Variants in DEPTOR observed in about 807,000 individuals in gnomAD.
DEPTOR encodes the protein DEP domain containing MTOR interacting protein, also known as DEP domain-containing mTOR-interacting protein.
DEPTOR carries 41 observed loss-of-function variants against 41.6 expected under a neutral mutation model. That is an observed-to-expected ratio of 0.98 (90% CI 0.77 to 1.28). The LOEUF (loss-of-function observed/expected upper bound fraction) is 1.28. Ranked by LOEUF, DEPTOR falls within the 50% of genes most tolerant of loss-of-function variation. The probability of loss-of-function intolerance (pLI) is 0.00; values close to 1 mark genes in which losing one functional copy is unlikely to be tolerated. For missense variants in DEPTOR, 514 were observed against 527.9 expected (o/e 0.97, Z 0.26); for synonymous variants, 195 against 192.3 (o/e 1.01, Z -0.12).
intron 8 of DEPTOR, among the ~76,000 whole-genome samples, chr8:120,012,935 T>A (rs1484722469): frequency 6.6e-6 from 1 of 151,930 alleles, no homozygotes; most frequent in Non-Finnish European, 1.5e-5. Context: ...GGTGGGAAGA[T>A]CACCCAAGGT....
intron 1 of DEPTOR, among the ~76,000 whole-genome samples, chr8:119,879,985 T>C (rs1827278095): frequency 1.3e-5 from 2 of 151,656 alleles, no homozygotes; most frequent in South Asian, 4.2e-4. Context: ...CTACTAAAAA[T>C]ACAAAAATTA....
chr8:119,914,441 C>A (rs1429145939), intron 1 of DEPTOR, among the ~76,000 whole-genome samples: 1 of 149,652 alleles, frequency 6.7e-6, no homozygotes, highest in Non-Finnish European at 1.5e-5. Context: ...TCACCCAAGC[C>A]TTTTTTTTTC....
intron 1 of DEPTOR, among the ~76,000 whole-genome samples, chr8:119,904,525 C>T (rs567013435): frequency 5.9e-5 from 9 of 152,150 alleles, no homozygotes; most frequent in African/African-American, 2.2e-4. Context: ...GGCAGAGTCT[C>T]ACTCTGTCAC....
rs1216288814 is a variant in DEPTOR, at chr8:119,991,102, TTC to T, written c.605-10421_605-10420del. 2.8e-3 allele frequency among the ~76,000 whole-genome samples: 280 copies of T among 98,616 alleles called. 3 individuals are homozygous for T. The highest frequency in any genetic ancestry group is 9.1e-3 in the African/African-American group (242 of 26,460). 64.7% of individuals were successfully genotyped at this position (98,616 alleles called of 152,430 possible). The stretch of plus-strand genomic sequence containing the variant: ...TCTTTCTTTCTTTTTCTTTCTTTCT[TTC>T]TTTCTTTCTTTCTTTTTTTTTTAAA... On this transcript the variant is annotated intron_variant, in intron 4 of 8. Coordinates refer to ENST00000286234, the MANE Select transcript of DEPTOR (RefSeq NM_022783.4).
At chr8:119,972,014 A>C (rs1463612116) in intron 4 of DEPTOR, among the ~76,000 whole-genome samples, 1 of 152,244 alleles carries the variant, frequency 6.6e-6, no homozygotes, top group African/African-American at 2.4e-5. Flanking sequence ...CCAAAAGCCA[A>C]GTTCCCAGGT....
intron 8 of DEPTOR, among the ~76,000 whole-genome samples, chr8:120,018,582 A>G (rs534681437): frequency 2.0e-5 from 3 of 150,658 alleles, no homozygotes; most frequent in Middle Eastern, 3.4e-3. Context: ...GACTCAAAAG[A>G]AAAAAAAAAT....
At chr8:119,971,714 C>T (rs1024620859) in intron 4 of DEPTOR, among the ~76,000 whole-genome samples, 17 of 152,072 alleles carry the variant, frequency 1.1e-4, no homozygotes, top group African/African-American at 3.9e-4. Context: ...TCGGAGACAT[C>T]GTAGATTTTT....
chr8:119,877,302 A>G (rs367560454), intron 1 of DEPTOR, among the ~76,000 whole-genome samples: 1 of 152,222 alleles, frequency 6.6e-6, no homozygotes, highest in South Asian at 2.1e-4. Flanking sequence ...CTACTCAGTA[A>G]GTAGTTAAAT....
At chr8:119,884,177 C>G (rs1827334550) in intron 1 of DEPTOR, among the ~76,000 whole-genome samples, 1 of 152,200 alleles carries the variant, frequency 6.6e-6, no homozygotes, top group Non-Finnish European at 1.5e-5. Flanking sequence ...CCTGCCTCAG[C>G]CTCCCCAGTA....
intron 3 of DEPTOR, among the ~76,000 whole-genome samples, chr8:119,934,114 C>G (rs1828079585): frequency 6.6e-6 from 1 of 152,170 alleles, no homozygotes; most frequent in African/African-American, 2.4e-5. Context: ...CTCCTGGCCT[C>G]AAGTGATCTG....
At chr8:119,979,204 T>C (rs943806668) in intron 4 of DEPTOR, among the ~76,000 whole-genome samples, 1 of 152,208 alleles carries the variant, frequency 6.6e-6, no homozygotes, top group African/African-American at 2.4e-5. Context: ...ATTTAGAGAG[T>C]AATGTTTTTA....
rs1828542748 is a variant in DEPTOR at position 119,965,267 on chromosome 8, G to C, written c.461G>C (p.Arg154Thr). The change falls in exon 4 of 9, where the codon AGG (arginine) becomes ACG (threonine). Residue 154 changes from arginine to threonine, a missense_variant. By Grantham distance (71) the Arg-to-Thr change is moderately conservative (BLOSUM62 -1). Transcript: ENST00000286234. The part of the protein sequence containing the change: ...MSPENTLLQP[R>T]EEEGVKYERT... ...CCTGAAAACACACTCCTGCAGCCCA[G>C]GGAGGAGGAAGGGGTCAAGTATGAG... The C allele has an allele frequency of 6.2e-7, 1 of 1,613,950 alleles. No individual in the cohort carries two copies. The highest frequency in any genetic ancestry group is 1.1e-5 in the South Asian group (1 of 91,064).
In DEPTOR at chr8:120,003,034, G is replaced by T; in HGVS notation, c.848G>T (p.Ser283Ile). The change falls in exon 6 of 9, where the codon AGC becomes ATC. Residue 283 changes from serine to isoleucine, a missense_variant. Coordinates refer to ENST00000286234, the MANE Select transcript of DEPTOR (RefSeq NM_022783.4). ...GCAGTGAGGAGAAGCAGCATGAGCAGCTGTGGCAGCAGCGGCTACTTCAGC... is the reference window on the plus strand; with the variant it reads ...GCAGTGAGGAGAAGCAGCATGAGCATCTGTGGCAGCAGCGGCTACTTCAGC... Reference protein sequence around the residue: ...VSAVRRSSMSSCGSSGYFSSS... With the variant: ...VSAVRRSSMSICGSSGYFSSS... The T allele has an allele frequency of 6.2e-7, 1 of 1,609,092 alleles. No homozygotes were observed. The highest frequency in any genetic ancestry group is 2.2e-5 in the East Asian group (1 of 44,584).
At chr8:119,913,112 G>A (rs187346559) in intron 1 of DEPTOR, among the ~76,000 whole-genome samples, 110 of 152,146 alleles carry the variant, frequency 7.2e-4, no homozygotes, top group Middle Eastern at 3.4e-3. Flanking sequence ...GTAGAGATGG[G>A]GTTTCACCCA....
chr8:119,878,503 G>T (rs562729639), intron 1 of DEPTOR, among the ~76,000 whole-genome samples: 1 of 151,126 alleles, frequency 6.6e-6, no homozygotes, highest in African/African-American at 2.4e-5. Flanking sequence ...TTGTGTGTGT[G>T]CTTTTAGTAG....
intron 8 of DEPTOR, among the ~76,000 whole-genome samples, chr8:120,038,391 A>G (rs1813010561): frequency 6.6e-6 from 1 of 151,580 alleles, no homozygotes; most frequent in African/African-American, 2.4e-5. Context: ...CCTGAGCTCA[A>G]GAGTTCAAGA....
chr8:119,878,486 A>ATT (rs1482235574), intron 1 of DEPTOR, among the ~76,000 whole-genome samples: 2,644 of 150,358 alleles, frequency 0.018, 77 homozygotes, highest in African/African-American at 0.06. Flanking sequence ...CACCCAGTTA[A>ATT]TTTTTTTTGT....
intron 3 of DEPTOR, among the ~76,000 whole-genome samples, chr8:119,939,943 C>T (rs1268046886): frequency 2.0e-5 from 3 of 151,976 alleles, no homozygotes; most frequent in Non-Finnish European, 2.9e-5. Flanking sequence ...CCAGGCCAGG[C>T]GCAGTGGCTC....
At chr8:119,986,635 T>A (rs142324889) in intron 4 of DEPTOR, among the ~76,000 whole-genome samples, 42 of 152,248 alleles carry the variant, frequency 2.8e-4, no homozygotes, top group African/African-American at 8.4e-4. Context: ...CTAACATGGT[T>A]CCATTCTCCC....
Sources: gnomAD v4.1 joint callset for allele counts (sites outside exome capture counted in the v4.1 genomes callset) on GRCh38, gnomAD v4.1.1 for gene constraint, MANE v1.5 for transcripts, NCBI Gene and HGNC (gene_info 2026-07-23, HGNC 2026-07-21) for gene names.